Variants in CCDC171 observed in about 807,000 individuals in gnomAD.
CCDC171 encodes coiled-coil domain-containing protein 171.
A neutral mutation model predicts 168.2 loss-of-function variants in CCDC171; 177 were observed. That is an observed-to-expected ratio of 1.05 (90% confidence interval 0.93 to 1.19). CCDC171 has a LOEUF of 1.19. CCDC171 is among the 50% of genes most tolerant of loss of function. CCDC171 has a pLI of 0.00. For missense variants in CCDC171, 1,991 were observed against 1,539.0 expected, an observed-to-expected ratio of 1.29 and a Z score of -4.91; for synonymous variants, 687 against 540.8, an observed-to-expected ratio of 1.27 and a Z score of -3.75.
rs182738561 is a variant in CCDC171, at chr9:15,587,220, T to C, written c.353-4146T>C. On this transcript the variant is annotated intron_variant, in intron 4 of 25. Transcript: ENST00000380701. ...TGTGTATCACCTGACCAAGCTGATA[T>C]AGTTTGGCTCTGTGTCCCCTCCCAA... 8.9e-4 allele frequency among the ~76,000 whole-genome samples: 135 copies of C among 152,314 alleles called. No individual in the cohort carries two copies. The South Asian group carries it at 0.011, about 12-fold the overall frequency.
intron 11 of CCDC171, among the ~76,000 whole-genome samples, chr9:15,713,740 T>C (rs1424439565): frequency 6.6e-6 from 1 of 152,112 alleles, no homozygotes; most frequent in African/African-American, 2.4e-5. Context: ...TATATACATC[T>C]TGAATTTGAG....
At chr9:15,631,929 A>G (rs1486421651) in intron 7 of CCDC171, among the ~76,000 whole-genome samples, 9 of 152,356 alleles carry the variant, frequency 5.9e-5, no homozygotes, top group African/African-American at 2.2e-4. Flanking sequence ...CCACATGATT[A>G]TCTCAATAGA....
chr9:15,648,363 T>C (rs891642398), intron 7 of CCDC171, among the ~76,000 whole-genome samples: 8 of 152,090 alleles, frequency 5.3e-5, no homozygotes, highest in Admixed American at 6.6e-5. Flanking sequence ...TCTCTCACCA[T>C]TCCTATTCAA....
At chr9:15,911,049 G>A (rs1823556220) in intron 24 of CCDC171, among the ~76,000 whole-genome samples, 1 of 152,118 alleles carries the variant, frequency 6.6e-6, no homozygotes, top group Admixed American at 6.5e-5. Flanking sequence ...ATAATCCTTT[G>A]GGTATATACC....
At chr9:15,733,958 A>T (rs1288850691) in intron 16 of CCDC171, among the ~76,000 whole-genome samples, 1 of 152,014 alleles carries the variant, frequency 6.6e-6, no homozygotes, top group Admixed American at 6.6e-5. Context: ...ATTTTTTTGT[A>T]GAGATGAGGT....
chr9:16,033,478 C>T (rs1457103400), intron 6 of CCDC171, among the ~76,000 whole-genome samples: 3 of 152,154 alleles, frequency 2.0e-5, no homozygotes, highest in African/African-American at 4.8e-5. Context: ...GCGTTCCTTG[C>T]GAGAATCTAA....
At chr9:15,741,683 A>C (rs778869563) in intron 16 of CCDC171, among the ~76,000 whole-genome samples, 11 of 151,896 alleles carry the variant, frequency 7.2e-5, no homozygotes, top group Non-Finnish European at 1.5e-4. Flanking sequence ...ATCTTTTGCT[A>C]TTTCTAGATT....
the CCDC171 span, among the ~76,000 whole-genome samples, chr9:16,083,226 A>G: frequency 6.6e-6 from 1 of 152,184 alleles, no homozygotes; most frequent in African/African-American, 2.4e-5. Flanking sequence ...CACTCTTAAC[A>G]CTTTATCCTC....
chr9:15,674,496 T>C (rs2049368463), intron 9 of CCDC171, among the ~76,000 whole-genome samples: 1 of 152,196 alleles, frequency 6.6e-6, no homozygotes, highest in South Asian at 2.1e-4. Context: ...TGTGGGCATT[T>C]AGTGCTGTAA....
At chr9:15,799,118 T>C (rs1418610486) in intron 21 of CCDC171, among the ~76,000 whole-genome samples, 1 of 123,346 alleles carries the variant, frequency 8.1e-6, no homozygotes, top group Non-Finnish European at 1.7e-5. Context: ...AAGAAAACAA[T>C]TGTCTTTCAT....
intron 17 of CCDC171, among the ~76,000 whole-genome samples, 190 bp downstream of exon 17, chr9:15,744,967 T>C (rs900231501): frequency 6.6e-6 from 1 of 152,226 alleles, no homozygotes; most frequent in African/African-American, 2.4e-5. Context: ...CTGTGATTTT[T>C]TGTTTTAAAC....
At chr9:15,806,740 G>T (rs1465174979) in intron 21 of CCDC171, among the ~76,000 whole-genome samples, 1 of 151,782 alleles carries the variant, frequency 6.6e-6, no homozygotes, top group Non-Finnish European at 1.5e-5. Flanking sequence ...GGGGTTCTCT[G>T]TATTTCTTGA....
intron 23 of CCDC171, among the ~76,000 whole-genome samples, chr9:15,854,668 A>G (rs1351296611): frequency 6.6e-6 from 1 of 151,570 alleles, no homozygotes; most frequent in Non-Finnish European, 1.5e-5. Flanking sequence ...TAACTGCTCC[A>G]AGCTGGAAGG....
In CCDC171 at chr9:15,729,574, AGCATATTTCCTTCTCTGTT is replaced by A; in HGVS notation, c.1861-31_1861-13del. 1 of 1,399,130 alleles carries A rather than the reference AGCATATTTCCTTCTCTGTT, an allele frequency of 7.1e-7. No individual in the cohort carries two copies. The highest frequency in any genetic ancestry group is 9.8e-7 in the Non-Finnish European group (1 of 1,022,386). 86.7% of individuals were successfully genotyped at this position (1,399,130 alleles called of 1,614,324 possible). On this transcript the variant is annotated splice_polypyrimidine_tract_variant and intron_variant, in intron 15 of 25. Transcript: ENST00000380701. ...AGATGACACAAAGAAATAGCTTGTG[AGCATATTTCCTTCTCTGTT>A]GCATCTCCCCGTATAGATAAGGCAT...
chr9:15,864,960 T>C (rs10962183), intron 23 of CCDC171, among the ~76,000 whole-genome samples: 1 of 152,092 alleles, frequency 6.6e-6, no homozygotes, highest in Non-Finnish European at 1.5e-5. Flanking sequence ...AAATGTTCCC[T>C]ATGTACGGCC....
At chr9:15,941,027 C>T (rs7860524) in intron 25 of CCDC171, among the ~76,000 whole-genome samples, 2,381 of 152,000 alleles carry the variant, frequency 0.016, 60 homozygotes, top group African/African-American at 0.053. Flanking sequence ...AGTGTTTTCT[C>T]ATTCACTTTA....
chr9:15,944,450 T>C (rs2987072), intron 25 of CCDC171, among the ~76,000 whole-genome samples: 68,667 of 151,858 alleles, frequency 0.45, 15,857 homozygotes, highest in African/African-American at 0.51. Context: ...AGCTAACATT[T>C]ATCTAATACT....
chr9:15,724,734 G>A, intron 13 of CCDC171, 42 bp from the exon 14 acceptor site: 1 of 1,412,528 alleles, frequency 7.1e-7, no homozygotes, highest in Non-Finnish European at 1.0e-6. Flanking sequence ...ACCCCTTGTT[G>A]GCTGGCCTTT....
At chr9:15,621,610 A>T (rs1185757751) in intron 6 of CCDC171, among the ~76,000 whole-genome samples, 1 of 152,262 alleles carries the variant, frequency 6.6e-6, no homozygotes, top group Non-Finnish European at 1.5e-5. Context: ...AATGGCTATT[A>T]TTAAAAAGTC....
Sources: allele counts gnomAD v4.1 joint callset (sites outside exome capture counted in the v4.1 genomes callset), GRCh38; gene constraint gnomAD v4.1.1; transcripts MANE v1.5; gene names NCBI Gene and HGNC (gene_info 2026-07-23, HGNC 2026-07-21).